Variants in ETS1 observed in about 807,000 individuals in gnomAD.
ETS1 encodes ETS proto-oncogene 1, transcription factor, also known as protein C-ets-1.
In ETS1, 15 loss-of-function variants were observed where a neutral mutation model predicts 58.6. The ratio of observed to expected loss-of-function variants is 0.26; its 90% CI spans 0.17 to 0.39. ETS1 has a LOEUF of 0.39. Among genes scored for constraint, ETS1 ranks in the 10% least tolerant of loss-of-function variants. The pLI is 1.00. For missense variants in ETS1, 417 were observed against 610.5 expected (o/e 0.68, Z 3.34); for synonymous variants, 214 against 218.2 (o/e 0.98, Z 0.17).
chr11:128,487,584 C>A (rs567563768), intron 5 of ETS1, among the ~76,000 whole-genome samples: 1 of 151,962 alleles, frequency 6.6e-6, no homozygotes, highest in Non-Finnish European at 1.5e-5. Context: ...ACTAAAAATA[C>A]AAAAATTAGC....
At chr11:128,522,017 C>G in intron 3 of ETS1, 1 of 1,571,324 alleles carries the variant, frequency 6.4e-7, no homozygotes, top group Non-Finnish European at 8.7e-7. Flanking sequence ...GGGGGACGTA[C>G]GGGATGGTAG....
At chr11:128,540,607 C>T (rs1170682119) in intron 3 of ETS1, among the ~76,000 whole-genome samples, 1 of 152,170 alleles carries the variant, frequency 6.6e-6, no homozygotes, top group African/African-American at 2.4e-5. Context: ...ATATGCTTCA[C>T]CAAAGTTCAG....
chr11:128,581,622 T>C (rs1864871955), intron 1 of ETS1, among the ~76,000 whole-genome samples: 1 of 152,164 alleles, frequency 6.6e-6, no homozygotes, highest in African/African-American at 2.4e-5. Context: ...AGAATGGTCG[T>C]AATAGAGGCC....
At chr11:128,543,973 T>A (rs1011729261) in intron 3 of ETS1, among the ~76,000 whole-genome samples, 2 of 152,152 alleles carry the variant, frequency 1.3e-5, no homozygotes, top group African/African-American at 4.8e-5. Context: ...AAGAGTTAAG[T>A]CTACACTTGT....
chr11:128,532,964 T>C (rs574133298), intron 3 of ETS1, among the ~76,000 whole-genome samples: 1 of 152,258 alleles, frequency 6.6e-6, no homozygotes, highest in East Asian at 1.9e-4. Flanking sequence ...CCCATGCAGG[T>C]CTCCTGATTA....
intron 2 of ETS1, among the ~76,000 whole-genome samples, chr11:128,569,318 C>CTTTTTTTGTTTTTTTTTTTTTTTTTTTT (rs1864575435): frequency 2.5e-5 from 1 of 39,462 alleles, no homozygotes; most frequent in African/African-American, 1.1e-4. Flanking sequence ...AGAGTTTCTT[C>CTTTTTTTGTTTTTTTTTTTTTTTTTTTT]TTTTTTTTTT....
intron 3 of ETS1, among the ~76,000 whole-genome samples, chr11:128,539,822 T>C (rs1864027538): frequency 6.6e-6 from 1 of 152,208 alleles, no homozygotes. Context: ...TGCTACAACA[T>C]GGGTGAAACT....
chr11:128,585,015 A>AAGGAAG (rs1864957960), intron 1 of ETS1, among the ~76,000 whole-genome samples: 2 of 21,986 alleles, frequency 9.1e-5, no homozygotes, highest in East Asian at 1.8e-3. Context: ...AAGAAAGGAA[A>AAGGAAG]GAAAGAAGAA....
At chr11:128,492,909 A>C (rs1050860479) in intron 3 of ETS1, among the ~76,000 whole-genome samples, 1 of 152,202 alleles carries the variant, frequency 6.6e-6, no homozygotes, top group African/African-American at 2.4e-5. Context: ...GTCAATCAAC[A>C]AATGTTGAGT....
At chr11:128,524,286 T>G (rs1008655027) in intron 3 of ETS1, among the ~76,000 whole-genome samples, 15 of 152,338 alleles carry the variant, frequency 9.8e-5, no homozygotes, top group African/African-American at 3.4e-4. Context: ...ACAACTCAGA[T>G]AGTCAATCAT....
intron 3 of ETS1, among the ~76,000 whole-genome samples, chr11:128,535,603 C>A (rs548305471): frequency 6.6e-6 from 1 of 152,238 alleles, no homozygotes; most frequent in Admixed American, 6.5e-5. Flanking sequence ...TGCCAAATCC[C>A]AAACATTTAA....
chr11:128,556,553 TGACAGAACAGAGCCAAC>T, intron 2 of ETS1, 118 bp from the exon 3 acceptor site: 1 of 636,288 alleles, frequency 1.6e-6, no homozygotes, highest in Non-Finnish European at 2.5e-6. Context: ...CTATAGATGA[TGACAGAACAGAGCCAAC>T]TCTTGTTTTC....
chr11:128,533,965 G>A (rs1419287057), intron 3 of ETS1, among the ~76,000 whole-genome samples: 1 of 152,220 alleles, frequency 6.6e-6, no homozygotes, highest in Non-Finnish European at 1.5e-5. Context: ...TACCAAATGT[G>A]ATCTAAGATG....
chr11:128,559,806 G>A (rs1864375628), intron 2 of ETS1, among the ~76,000 whole-genome samples: 1 of 152,116 alleles, frequency 6.6e-6, no homozygotes, highest in South Asian at 2.1e-4. Flanking sequence ...CAGTTGAGGA[G>A]AAAAAAAGCA....
chr11:128,581,481 C>T (rs1864869503), intron 1 of ETS1, among the ~76,000 whole-genome samples: 1 of 152,122 alleles, frequency 6.6e-6, no homozygotes. Context: ...TTAGGATGTA[C>T]TCCTGAGCCA....
In ETS1 at chr11:128,490,583, GA is replaced by G; in HGVS notation, c.215-8del. ...ACATCTGCACATTCCATATCTGCATGAAAAAATTGCATATGAATAACAAAAA... is the reference window on the plus strand; with the variant it reads ...ACATCTGCACATTCCATATCTGCATGAAAAATTGCATATGAATAACAAAAA... On this transcript the variant is annotated splice_polypyrimidine_tract_variant and splice_region_variant and intron_variant, in intron 3 of 9. Transcript: ENST00000392668. 1.2e-6 allele frequency: 2 copies of G among 1,603,110 alleles called. No homozygotes were observed. The highest frequency in any genetic ancestry group is 1.7e-6 in the Non-Finnish European group (2 of 1,171,856).
At position 128,569,318 on chromosome 11, in the gene ETS1, C is replaced by CTTTTTTTTTTT. The variant is rs398018017; in HGVS notation, c.69+3733_69+3743dup. Among the ~76,000 whole-genome samples, 246 of 39,454 alleles carry CTTTTTTTTTTT rather than the reference C, an allele frequency of 6.2e-3. 49 individuals carry two copies. The highest frequency in any genetic ancestry group is 0.015 in the African/African-American group (134 of 9,130). The allele number at this position is 39,454 out of a possible 152,430, so 25.9% of individuals were successfully genotyped here. A position where few individuals can be genotyped will look rare whatever the true frequency, so the allele number is the denominator to read the frequency against. On this transcript the variant is annotated intron_variant, in intron 2 of 9. Coordinates refer to ENST00000392668, the MANE Select transcript of ETS1 (RefSeq NM_001143820.2). ...TACCATACATGGGACAGAGTTTCTT[C>CTTTTTTTTTTT]TTTTTTTTTTTTTTTTTTTTTTTTG...
chr11:128,543,274 T>C (rs1022301956), intron 3 of ETS1, among the ~76,000 whole-genome samples: 7 of 152,114 alleles, frequency 4.6e-5, no homozygotes, highest in African/African-American at 1.7e-4. Flanking sequence ...GTGATATATA[T>C]GCACATAGAA....
At chr11:128,501,105 A>G (rs899478481) in intron 3 of ETS1, among the ~76,000 whole-genome samples, 38 of 152,104 alleles carry the variant, frequency 2.5e-4, no homozygotes, top group African/African-American at 9.2e-4. Flanking sequence ...TCTTCCTCCT[A>G]TCATCACTTC....
Sources: allele counts gnomAD v4.1 joint callset (sites outside exome capture counted in the v4.1 genomes callset), GRCh38; gene constraint gnomAD v4.1.1; transcripts MANE v1.5; gene names NCBI Gene and HGNC (gene_info 2026-07-23, HGNC 2026-07-21).